ARHGAP25: variants seen among roughly 807,000 people sequenced by gnomAD.
ARHGAP25 encodes rho GTPase-activating protein 25.
In ARHGAP25, 34 loss-of-function variants were observed where a neutral mutation model predicts 71.0. The ratio of observed to expected loss-of-function variants is 0.48; its 90% CI spans 0.36 to 0.64. The LOEUF (loss-of-function observed/expected upper bound fraction) is 0.64. ARHGAP25 is among the 30% of genes least tolerant of loss of function. ARHGAP25 has a pLI of 0.00. For missense variants in ARHGAP25, 706 were observed against 805.1 expected (o/e 0.88, Z 1.49); for synonymous variants, 282 against 296.5 (o/e 0.95, Z 0.50).
Position 68,727,264 on chromosome 2 carries a change from A to G in ARHGAP25, c.-18+16566A>G, listed in dbSNP as rs551431478. Among the ~76,000 whole-genome samples the G allele has an allele frequency of 2.0e-5, 3 of 152,166 alleles. No individual in the cohort carries two copies. In the South Asian group the frequency reaches 6.2e-4, roughly 32 times the overall value. On this transcript the variant is annotated intron_variant and NMD_transcript_variant, in intron 2 of 7. Transcript: ENST00000463483. ...CTGGCTGACTCACGGCCACAAAGAA[A>G]TGTGTTTCCTCCCAATCTGCTTGAC...
At chr2:68,749,216 T>G (rs4854508) in intron 1 of ARHGAP25, among the ~76,000 whole-genome samples, 3 of 152,096 alleles carry the variant, frequency 2.0e-5, no homozygotes, top group Admixed American at 6.5e-5. Flanking sequence ...ACTGAATTTG[T>G]TATTTTGTTG....
Position 68,802,407 on chromosome 2 carries a change from CAAAA to C in ARHGAP25, c.467-4847_467-4844del, listed in dbSNP as rs10688959. The stretch of plus-strand genomic sequence containing the variant: ...TGGATGACAAAGCAAGACTCCATCT[CAAAA>C]AAAAAAAAAAAAAAAAAAGAATGTG... On this transcript the variant is annotated intron_variant, in intron 4 of 10. Coordinates refer to ENST00000409202, the MANE Select transcript of ARHGAP25 (RefSeq NM_001007231.3). Among the ~76,000 whole-genome samples, 13 of 82,150 alleles carry C rather than the reference CAAAA, an allele frequency of 1.6e-4. 1 individual carries two copies. Among genetic ancestry groups the C allele is most frequent in the Non-Finnish European group, 2.6e-4 (12 of 45,340 alleles). The allele number at this position is 82,150 out of a possible 152,430, so 53.9% of individuals were successfully genotyped here.
intron 10 of ARHGAP25, 68 bp downstream of exon 10, chr2:68,822,940 C>T (rs1681820108): frequency 2.7e-6 from 4 of 1,460,544 alleles, no homozygotes; most frequent in Non-Finnish European, 3.7e-6. Context: ...GGATTGTTCC[C>T]ATCCGCCAGA....
chr2:68,711,807 T>C lies in ARHGAP25; in HGVS notation c.-18+1109T>C, dbSNP rs141097078. Among the ~76,000 whole-genome samples, 887 of 152,294 alleles carry C rather than the reference T, an allele frequency of 5.8e-3. 10 individuals carry two copies. Among genetic ancestry groups the C allele is most frequent in the African/African-American group, 0.02 (844 of 41,560 alleles). On this transcript the variant is annotated intron_variant and NMD_transcript_variant, in intron 2 of 7. Coordinates refer to the ARHGAP25 transcript ENST00000463483. Reference sequence around the variant, plus strand: ...TACTGTGTTAGTTTGCTTAGAATGATGGTTTCCAGCTTCATCCATGTCTCT... The same window carrying C: ...TACTGTGTTAGTTTGCTTAGAATGACGGTTTCCAGCTTCATCCATGTCTCT...
chr2:68,764,927 T>A (rs1479071026), intron 1 of ARHGAP25, among the ~76,000 whole-genome samples: 2 of 152,114 alleles, frequency 1.3e-5, no homozygotes, highest in Non-Finnish European at 2.9e-5. Context: ...TCATTTTAGA[T>A]CTCCCCTTGT....
At chr2:68,800,248 A>G (rs1573572279) in intron 4 of ARHGAP25, among the ~76,000 whole-genome samples, 1 of 151,666 alleles carries the variant, frequency 6.6e-6, no homozygotes, top group South Asian at 2.1e-4. Context: ...CAGGGTGGGG[A>G]GGGGCTCTTG....
intron 2 of ARHGAP25, among the ~76,000 whole-genome samples, chr2:68,712,804 A>C (rs1304735031): frequency 6.6e-6 from 1 of 152,188 alleles, no homozygotes; most frequent in Non-Finnish European, 1.5e-5. Context: ...GGTTTGTCAA[A>C]GATCAGATGG....
At chr2:68,774,946 C>T (rs973087313) in intron 1 of ARHGAP25, 18 of 1,413,128 alleles carry the variant, frequency 1.3e-5, no homozygotes, top group Non-Finnish European at 1.7e-5. Flanking sequence ...TGCAGAATGA[C>T]GGGGCCCGCC....
At chr2:68,817,497 G>T (rs11897459) in intron 7 of ARHGAP25, among the ~76,000 whole-genome samples, 19,033 of 152,216 alleles carry the variant, frequency 0.13, 1,503 homozygotes, top group East Asian at 0.25. Flanking sequence ...CCTCTCTGGA[G>T]ACTTGGGTGG....
intron 4 of ARHGAP25, among the ~76,000 whole-genome samples, chr2:68,795,265 A>G (rs1679458256): frequency 6.6e-6 from 1 of 151,908 alleles, no homozygotes; most frequent in South Asian, 2.1e-4. Context: ...TTTCTGTTTC[A>G]TTTAGTTCTG....
intron 1 of ARHGAP25, among the ~76,000 whole-genome samples, chr2:68,747,870 T>C (rs1034326761): frequency 2.6e-5 from 4 of 152,024 alleles, no homozygotes; most frequent in Admixed American, 2.0e-4. Context: ...AATCTGACTA[T>C]TTCCGTTATC....
At chr2:68,780,724 T>C (rs1283989582) in intron 2 of ARHGAP25, among the ~76,000 whole-genome samples, 1 of 152,110 alleles carries the variant, frequency 6.6e-6, no homozygotes, top group Non-Finnish European at 1.5e-5. Flanking sequence ...TGTCTTGTTC[T>C]CTCTCAGTCT....
chr2:68,785,390 G>A (rs2311413), intron 3 of ARHGAP25, among the ~76,000 whole-genome samples: 126,296 of 152,142 alleles, frequency 0.83, 52,763 homozygotes, highest in Non-Finnish European at 0.85. Context: ...GAAGTAAGCA[G>A]TTTCTGATCA....
intron 9 of ARHGAP25, among the ~76,000 whole-genome samples, chr2:68,819,925 G>A (rs975967040): frequency 1.3e-5 from 2 of 152,136 alleles, no homozygotes; most frequent in East Asian, 1.9e-4. Flanking sequence ...ATATTTATAG[G>A]AACAAATATT....
intron 4 of ARHGAP25, among the ~76,000 whole-genome samples, chr2:68,799,914 G>A (rs543777609): frequency 2.0e-5 from 3 of 152,314 alleles, no homozygotes; most frequent in East Asian, 1.9e-4. Flanking sequence ...CATCGGAGGC[G>A]TGAGTCTTCG....
intron 4 of ARHGAP25, among the ~76,000 whole-genome samples, chr2:68,797,676 G>T (rs2104422145): frequency 6.6e-6 from 1 of 152,314 alleles, no homozygotes; most frequent in East Asian, 1.9e-4. Flanking sequence ...CAGCCTGTAA[G>T]AGCTCCGATC....
At chr2:68,815,707 G>C (rs1488158396) in intron 6 of ARHGAP25, among the ~76,000 whole-genome samples, 3 of 151,984 alleles carry the variant, frequency 2.0e-5, no homozygotes, top group African/African-American at 7.3e-5. Context: ...GGAAAAGCTC[G>C]CTGTCCCTCT....
intron 1 of ARHGAP25, among the ~76,000 whole-genome samples, chr2:68,746,721 A>T (rs1253689708): frequency 6.9e-6 from 1 of 144,264 alleles, no homozygotes; most frequent in East Asian, 2.0e-4. Context: ...CCCCATCCCC[A>T]CAGGGCCGGG....
At chr2:68,726,580 C>T (rs1331410496) in intron 2 of ARHGAP25, among the ~76,000 whole-genome samples, 1 of 149,926 alleles carries the variant, frequency 6.7e-6, no homozygotes, top group African/African-American at 2.4e-5. Flanking sequence ...TCTTGGCCTT[C>T]AGGCCTCCAG....
Sources: allele counts gnomAD v4.1 joint callset (sites outside exome capture counted in the v4.1 genomes callset), GRCh38; gene constraint gnomAD v4.1.1; transcripts MANE v1.5; gene names NCBI Gene and HGNC (gene_info 2026-07-23, HGNC 2026-07-21).